Variants in ATRX observed in about 807,000 individuals in gnomAD.
The protein encoded by ATRX is chromatin remodeler ATRX.
A neutral mutation model predicts 172.6 loss-of-function variants in ATRX; 12 were observed. The ratio of observed to expected loss-of-function variants is 0.07; its 90% CI spans 0.04 to 0.11. ATRX has a LOEUF of 0.11. Among genes scored for constraint, ATRX ranks in the 10% least tolerant of loss-of-function variants. The pLI, the probability that ATRX is intolerant of heterozygous loss-of-function variation, is 1.00. For synonymous variants in ATRX, 674 were observed against 594.7 expected, an observed-to-expected ratio of 1.13 and a Z score of -1.94; for missense variants, 1,368 against 1,767.4, an observed-to-expected ratio of 0.77 and a Z score of 4.05.
At chrX:77,586,268 C>T (rs1417231220) in intron 27 of ATRX, among the ~76,000 whole-genome samples, 1 of 111,615 alleles carries the variant, frequency 9.0e-6, no homozygotes, top group East Asian at 2.8e-4. Flanking sequence ...ATACATAACA[C>T]CTACCATGCA....
chrX:77,531,154 CA>C (rs782784084), intron 30 of ATRX, among the ~76,000 whole-genome samples: 2 of 110,888 alleles, frequency 1.8e-5, no homozygotes, highest in East Asian at 5.7e-4. Flanking sequence ...GCCTACCAGC[CA>C]AAAAAAGCCC....
intron 7 of ATRX, among the ~76,000 whole-genome samples, chrX:77,686,169 T>TA (rs1434163422): frequency 8.9e-6 from 1 of 112,140 alleles, no homozygotes; most frequent in Non-Finnish European, 1.9e-5. Context: ...AATAGCAACT[T>TA]AATTGTACAT....
chrX:77,599,295 A>G lies in ATRX; in HGVS notation c.5956+116T>C, dbSNP rs1463091554. The G allele has an allele frequency of 4.8e-6, 4 of 833,838 alleles. No individual in the cohort carries two copies. The African/African-American group carries it at 8.1e-5, about 17-fold the overall frequency. The allele number at this position is 833,838 out of a possible 1,213,427, so 68.7% of individuals were successfully genotyped here. A position where few individuals can be genotyped will look rare whatever the true frequency, so the allele number is the denominator to read the frequency against. ...TATGAGTACTTGATTAGACTCATCAATTGAGGAAAGATTCCTTTGAGTCAA... is the reference window on the plus strand; with the variant it reads ...TATGAGTACTTGATTAGACTCATCAGTTGAGGAAAGATTCCTTTGAGTCAA... On this transcript the variant is annotated intron_variant, in intron 25 of 34. Transcript: ENST00000373344.
At chrX:77,571,162 A>T (rs1199703144) in intron 28 of ATRX, among the ~76,000 whole-genome samples, 2 of 112,044 alleles carry the variant, frequency 1.8e-5, no homozygotes, top group Non-Finnish European at 3.8e-5. Flanking sequence ...GCAGTTTCCT[A>T]AAAAAGTACT....
chrX:77,592,469 T>C (rs1267826460), intron 26 of ATRX, among the ~76,000 whole-genome samples: 1 of 105,733 alleles, frequency 9.5e-6, no homozygotes, highest in African/African-American at 3.5e-5. Flanking sequence ...TATAATCAGA[T>C]GTTGGGACCT....
intron 1 of ATRX, 187 bp downstream of exon 1, chrX:77,785,768 CCCCCCACCTCCCCCCACCCCATCCCCA>C: frequency 1.3e-5 from 1 of 75,838 alleles, no homozygotes; most frequent in Non-Finnish European, 2.5e-5. Flanking sequence ...AGGCCGCGCC[CCCCCCACCTCCCCCCACCCCATCCCCA>C]CCCCCACCCC....
chrX:77,712,633 T>A (rs2073169222), intron 2 of ATRX, among the ~76,000 whole-genome samples: 1 of 109,886 alleles, frequency 9.1e-6, no homozygotes, highest in African/African-American at 3.3e-5. Context: ...CAGACCAGCC[T>A]GCCATCCAGA....
chrX:77,622,313 A>G (rs1293324712), intron 19 of ATRX, among the ~76,000 whole-genome samples: 3 of 111,888 alleles, frequency 2.7e-5, no homozygotes, highest in African/African-American at 6.5e-5. Context: ...GGATAATGGA[A>G]TAAGTCACAG....
chrX:77,682,689 C>T lies in ATRX; in HGVS notation c.2567G>A (p.Ser856Asn), dbSNP rs782176247. ...DFDSSEDEKH[S>N]KKGMDNQGHK... ...CCCTTGATTATCCATTCCTTTTTTG[C>T]TGTGTTTCTCATCTTCAGAAGAGTC... Residue 856 changes from serine to asparagine, a missense_variant, in exon 9 of 35, where the codon AGC becomes AAC. Transcript: ENST00000373344. The T allele has an allele frequency of 1.7e-6, 2 of 1,206,926 alleles. No individual in the cohort carries two copies. Among genetic ancestry groups the T allele is most frequent in the Non-Finnish European group, 2.2e-6 (2 of 894,663 alleles).
chrX:77,610,846 A>G (rs1557093583), intron 22 of ATRX, among the ~76,000 whole-genome samples: 2 of 108,902 alleles, frequency 1.8e-5, no homozygotes. Context: ...GATTTGGGTT[A>G]ATTTTCAATT....
At chrX:77,567,826 A>C (rs1339679004) in intron 28 of ATRX, among the ~76,000 whole-genome samples, 2 of 111,581 alleles carry the variant, frequency 1.8e-5, no homozygotes, top group Admixed American at 1.9e-4. Flanking sequence ...AACTTAAAAG[A>C]ATTGAAATCA....
intron 5 of ATRX, 102 bp from the exon 6 acceptor site, chrX:77,694,039 T>C: frequency 1.5e-6 from 1 of 669,219 alleles, no homozygotes; most frequent in Non-Finnish European, 2.4e-6. Context: ...ACATAGTTTG[T>C]TTCTTTCAAG....
rs191563592 is a variant in ATRX, at chrX:77,681,729, T to A, written c.3527A>T (p.Lys1176Met). Residue 1176 changes from lysine to methionine, a missense_variant, in exon 9 of 35, where the codon AAG becomes ATG. Physicochemically the swap from Lys to Met is moderately conservative, Grantham distance 95 (BLOSUM62 -1). Coordinates refer to ENST00000373344, the MANE Select transcript of ATRX (RefSeq NM_000489.6). Reference protein sequence around the residue: ...KKKKQRTSSKKKAVIVKEKKR... With the variant: ...KKKKQRTSSKMKAVIVKEKKR... Reference sequence around the variant, plus strand: ...TTTCTCCTTGACAATGACTGCCTTCTTTTTAGATGAAGTTCTTTGCTTCTT... The same window carrying A: ...TTTCTCCTTGACAATGACTGCCTTCATTTTAGATGAAGTTCTTTGCTTCTT... 1.1e-4 allele frequency: 132 copies of A among 1,204,382 alleles called. 1 individual carries two copies. The highest frequency in any genetic ancestry group is 6.5e-4 in the Admixed American group (29 of 44,714).
At chrX:77,554,864 C>A (rs2064711380) in intron 30 of ATRX, among the ~76,000 whole-genome samples, 1 of 112,383 alleles carries the variant, frequency 8.9e-6, no homozygotes, top group African/African-American at 3.2e-5. Flanking sequence ...TCTGATTGTA[C>A]TTCCTGGATA....
At chrX:77,617,716 TTTTC>T (rs1465463752) in intron 21 of ATRX, among the ~76,000 whole-genome samples, 2 of 110,438 alleles carry the variant, frequency 1.8e-5, no homozygotes, top group African/African-American at 3.3e-5. Context: ...TTCTTAATTA[TTTTC>T]TTTCTTTTTT....
At position 77,750,393 on chromosome X, in the gene ATRX, A is replaced by G. The variant is rs72628489; in HGVS notation, c.21-33150T>C. Among the ~76,000 whole-genome samples, 4 of 111,968 alleles carry G rather than the reference A, an allele frequency of 3.6e-5. No individual in the cohort carries two copies. The East Asian group carries it at 1.1e-3, about 31-fold the overall frequency. On this transcript the variant is annotated intron_variant, in intron 1 of 34. Transcript: ENST00000373344. ...CCCGGGGCAAAAGATACACAAACGT[A>G]TAACACCACCTTTGAAAACAGAGTG... is the stretch of plus-strand genomic sequence containing the variant.
intron 1 of ATRX, among the ~76,000 whole-genome samples, chrX:77,730,494 T>A (rs977632987): frequency 1.8e-5 from 2 of 111,914 alleles, no homozygotes; most frequent in Admixed American, 9.5e-5. Flanking sequence ...ATGGACCTAA[T>A]AGATATTTAC....
intron 19 of ATRX, among the ~76,000 whole-genome samples, chrX:77,631,201 C>CA (rs782293888): frequency 0.025 from 976 of 38,978 alleles, 13 homozygotes; most frequent in African/African-American, 0.063. Flanking sequence ...ACAATTTGAG[C>CA]AAAAAAAAAA....
At chrX:77,677,801 T>C (rs1435992822) in intron 9 of ATRX, among the ~76,000 whole-genome samples, 4 of 111,072 alleles carry the variant, frequency 3.6e-5, no homozygotes, top group Non-Finnish European at 7.5e-5. Flanking sequence ...AGTATAATAT[T>C]AATGGTAGAT....
Sources: allele counts gnomAD v4.1 joint callset (sites outside exome capture counted in the v4.1 genomes callset), GRCh38; gene constraint gnomAD v4.1.1; transcripts MANE v1.5; gene names NCBI Gene and HGNC (gene_info 2026-07-23, HGNC 2026-07-21).